ANK3: variants seen among roughly 807,000 people sequenced by gnomAD.
ANK3 encodes the protein ankyrin-3.
In ANK3, 57 loss-of-function variants were observed where a neutral mutation model predicts 370.9. That is an observed-to-expected ratio of 0.15 (90% confidence interval 0.12 to 0.19). The LOEUF is 0.19. Ranked by LOEUF, ANK3 falls within the 10% of genes least tolerant of loss-of-function variation. The pLI is 1.00. For synonymous variants in ANK3, 1,929 were observed against 1,946.3 expected, an observed-to-expected ratio of 0.99 and a Z score of 0.23; for missense variants, 4,439 against 5,302.1, an observed-to-expected ratio of 0.84 and a Z score of 5.06.
At chr10:60,117,792 T>C (rs1416499963) in intron 25 of ANK3, among the ~76,000 whole-genome samples, 1 of 152,032 alleles carries the variant, frequency 6.6e-6, no homozygotes, top group Non-Finnish European at 1.5e-5. Context: ...CCAGCCTGGG[T>C]GACAGAGCAA....
At chr10:60,516,372 C>T (rs538915542) in intron 2 of ANK3, among the ~76,000 whole-genome samples, 9 of 152,226 alleles carry the variant, frequency 5.9e-5, no homozygotes, top group African/African-American at 2.2e-4. Context: ...TGGGAAATCT[C>T]ATTTAACAGA....
intron 1 of ANK3, among the ~76,000 whole-genome samples, chr10:60,631,410 T>TA (rs2133340438): frequency 6.6e-6 from 1 of 152,136 alleles, no homozygotes; most frequent in Non-Finnish European, 1.5e-5. Context: ...TGCGTGCCTC[T>TA]AGTCCCAGCC....
intron 2 of ANK3, among the ~76,000 whole-genome samples, chr10:60,406,381 C>A (rs1243761577): frequency 6.6e-6 from 1 of 152,174 alleles, no homozygotes; most frequent in Non-Finnish European, 1.5e-5. Flanking sequence ...TGACAATTTT[C>A]CCACGGATGG....
chr10:60,623,832 T>C (rs2078371752), intron 1 of ANK3, among the ~76,000 whole-genome samples: 1 of 152,168 alleles, frequency 6.6e-6, no homozygotes, highest in Non-Finnish European at 1.5e-5. Context: ...TTTGGGGCTA[T>C]AGGCCACCTC....
chr10:60,680,647 T>A (rs1020958946), intron 1 of ANK3, among the ~76,000 whole-genome samples: 5 of 152,184 alleles, frequency 3.3e-5, no homozygotes, highest in Non-Finnish European at 4.4e-5. Flanking sequence ...ATTTTGTTTT[T>A]AAACGCCAAA....
At chr10:60,331,009 C>T (rs2051120592) in intron 1 of ANK3, among the ~76,000 whole-genome samples, 1 of 151,912 alleles carries the variant, frequency 6.6e-6, no homozygotes, top group African/African-American at 2.4e-5. Context: ...AGCAAACTAA[C>T]CACAGGAACA....
chr10:60,657,705 G>A (rs774724340), intron 1 of ANK3, among the ~76,000 whole-genome samples: 16 of 151,964 alleles, frequency 1.1e-4, no homozygotes, highest in East Asian at 3.9e-4. Context: ...GTTGTGTGTC[G>A]TGTGGTGTAA....
Position 60,068,618 on chromosome 10 carries a change from T to C in ANK3, c.12244+19A>G. 6.3e-7 allele frequency: 1 copy of C among 1,579,516 alleles called. No individual in the cohort carries two copies. Among genetic ancestry groups the C allele is most frequent in the South Asian group, 1.2e-5 (1 of 85,912 alleles). ...ATGTGAGCAGAGTGCTCGAGAGACC[T>C]GACTGCCTTCATTCTCACCAGTCCT... On this transcript the variant is annotated intron_variant, in intron 37 of 43. Transcript: ENST00000280772.
intron 2 of ANK3, among the ~76,000 whole-genome samples, chr10:60,398,817 G>A (rs1190323572): frequency 2.0e-5 from 3 of 152,122 alleles, no homozygotes; most frequent in Non-Finnish European, 4.4e-5. Context: ...ATCTTCCCTG[G>A]AGTGAACCTC....
intron 2 of ANK3, among the ~76,000 whole-genome samples, chr10:60,588,416 C>T (rs1339865923): frequency 1.3e-5 from 2 of 151,612 alleles, no homozygotes; most frequent in Non-Finnish European, 2.9e-5. Flanking sequence ...AACTCCTGAC[C>T]TCATGATCTA....
At chr10:60,103,782 A>G (rs1266487230) in intron 28 of ANK3, among the ~76,000 whole-genome samples, 1 of 152,190 alleles carries the variant, frequency 6.6e-6, no homozygotes, top group Non-Finnish European at 1.5e-5. Context: ...AAATGGAACC[A>G]AAGTTTATCT....
chr10:60,186,463 G>A (rs1343781161), intron 17 of ANK3, among the ~76,000 whole-genome samples: 1 of 150,784 alleles, frequency 6.6e-6, no homozygotes, highest in Non-Finnish European at 1.5e-5. Context: ...CAGTCTACCC[G>A]CCTTGTCTTC....
chr10:60,433,890 T>C (rs1033568761), intron 2 of ANK3, among the ~76,000 whole-genome samples: 2 of 152,218 alleles, frequency 1.3e-5, no homozygotes, highest in African/African-American at 2.4e-5. Context: ...AGGATATGCA[T>C]GGCCTGCAGA....
intron 8 of ANK3, 84 bp downstream of exon 8, chr10:60,234,604 T>C: frequency 1.3e-6 from 1 of 761,682 alleles, no homozygotes. Context: ...ACAAAGCTCA[T>C]GTTGTATCAG....
chr10:60,488,876 A>T (rs1046039429), intron 2 of ANK3, among the ~76,000 whole-genome samples: 1 of 152,224 alleles, frequency 6.6e-6, no homozygotes, highest in African/African-American at 2.4e-5. Flanking sequence ...GAGGATGTTA[A>T]ATTGTTTAAA....
intron 1 of ANK3, among the ~76,000 whole-genome samples, chr10:60,310,780 C>T (rs886256312): frequency 8.6e-5 from 13 of 151,868 alleles, no homozygotes; most frequent in African/African-American, 3.1e-4. Context: ...AATTTTTTTC[C>T]CAGAAATTCA....
intron 1 of ANK3, among the ~76,000 whole-genome samples, chr10:60,357,034 A>G (rs1479186722): frequency 6.6e-6 from 1 of 152,096 alleles, no homozygotes; most frequent in Non-Finnish European, 1.5e-5. Flanking sequence ...ATGTTTTCTG[A>G]TCACCCTACT....
intron 1 of ANK3, among the ~76,000 whole-genome samples, chr10:60,361,278 T>C (rs61846514): frequency 0.025 from 3,810 of 152,330 alleles, 68 homozygotes; most frequent in Middle Eastern, 0.051. Flanking sequence ...ACAATTATTC[T>C]ACTTACCAAA....
At chr10:60,461,879 T>C (rs973742234) in intron 2 of ANK3, among the ~76,000 whole-genome samples, 1 of 152,168 alleles carries the variant, frequency 6.6e-6, no homozygotes, top group Non-Finnish European at 1.5e-5. Context: ...AAGTCAGCAC[T>C]GGATACCTCC....
Sources: allele counts gnomAD v4.1 joint callset (sites outside exome capture counted in the v4.1 genomes callset), GRCh38; gene constraint gnomAD v4.1.1; transcripts MANE v1.5; gene names NCBI Gene and HGNC (gene_info 2026-07-23, HGNC 2026-07-21).